The following SETDB2 variants were observed in gnomAD, a reference collection of about 807,000 sequenced individuals.
SETDB2 encodes SET domain bifurcated histone lysine methyltransferase 2, also known as histone-lysine N-methyltransferase SETDB2.
SETDB2 carries 56 observed loss-of-function variants against 82.5 expected under a neutral mutation model. The ratio of observed to expected loss-of-function variants is 0.68; its 90% confidence interval spans 0.55 to 0.85. The LOEUF is 0.85. SETDB2 is among the 40% of genes least tolerant of loss of function. The pLI is 0.00. For synonymous variants in SETDB2, 272 were observed against 284.9 expected, an observed-to-expected ratio of 0.95 and a Z score of 0.46; for missense variants, 677 against 816.4, an observed-to-expected ratio of 0.83 and a Z score of 2.08.
chr13:49,490,964 A>C (rs543301462), intron 13 of SETDB2, 54 bp downstream of exon 13: 8 of 1,434,550 alleles, frequency 5.6e-6, no homozygotes, highest in Admixed American at 1.8e-5. Flanking sequence ...TAAAAATAAC[A>C]ATAGAGGGCT....
chr13:49,477,647 C>A (rs1186882460), intron 6 of SETDB2, among the ~76,000 whole-genome samples: 1 of 152,152 alleles, frequency 6.6e-6, no homozygotes, highest in Admixed American at 6.6e-5. Flanking sequence ...GACACTGTGA[C>A]AAGTACTTCA....
chr13:49,473,168 C>G (rs1958284618), intron 5 of SETDB2, among the ~76,000 whole-genome samples: 1 of 151,936 alleles, frequency 6.6e-6, no homozygotes, highest in Admixed American at 6.6e-5. Context: ...TGAATTAATC[C>G]CTTCATATTC....
intron 10 of SETDB2, among the ~76,000 whole-genome samples, chr13:49,485,276 C>T (rs1239174064): frequency 6.6e-6 from 1 of 152,218 alleles, no homozygotes; most frequent in Non-Finnish European, 1.5e-5. Context: ...CATCTTTACA[C>T]AACTTACAGT....
rs745918185 is a variant in SETDB2 at position 49,476,720 on chromosome 13, G to A, written c.550G>A (p.Gly184Arg). 6.2e-7 allele frequency: 1 copy of A among 1,614,194 alleles called. No homozygotes were observed. The highest frequency in any genetic ancestry group is 8.5e-7 in the Non-Finnish European group (1 of 1,180,028). Residue 184 changes from glycine to arginine, a missense_variant, in exon 6 of 14, where the codon GGA becomes AGA. Gly to Arg is a moderately radical substitution (Grantham distance 125, BLOSUM62 -2). Coordinates refer to ENST00000611815, the MANE Select transcript of SETDB2 (RefSeq NM_001160308.3). ...ALHVSYKTPC[G>R]RSLRNVEEVF... is the part of the protein sequence containing the mutation. ...CCACGTGAGTTATAAAACCCCTTGT[G>A]GAAGGAGTCTACGAAACGTGGAGGA... is the stretch of plus-strand genomic sequence containing the variant.
chr13:49,473,845 G>A lies in SETDB2; in HGVS notation c.306-2631G>A, dbSNP rs74076023. On this transcript the variant is annotated intron_variant, in intron 5 of 13. Transcript: ENST00000611815. Reference sequence around the variant, plus strand: ...GAGAGACAAATAAATAGAAAATCCAGAGTTCAGGTTATACCATAATTCCTT... The same window carrying A: ...GAGAGACAAATAAATAGAAAATCCAAAGTTCAGGTTATACCATAATTCCTT... 9.2e-3 allele frequency among the ~76,000 whole-genome samples: 1,399 copies of A among 152,270 alleles called. 25 individuals carry two copies. Among genetic ancestry groups the A allele is most frequent in the African/African-American group, 0.032 (1,309 of 41,542 alleles).
intron 2 of SETDB2, among the ~76,000 whole-genome samples, chr13:49,455,799 A>T (rs1957871747): frequency 6.6e-6 from 1 of 151,704 alleles, no homozygotes; most frequent in African/African-American, 2.4e-5. Flanking sequence ...AAAAAACTAG[A>T]TAGTTTAGTT....
intron 6 of SETDB2, among the ~76,000 whole-genome samples, chr13:49,478,799 C>G (rs1415844545): frequency 6.6e-6 from 1 of 151,874 alleles, no homozygotes; most frequent in Non-Finnish European, 1.5e-5. Flanking sequence ...GGTGGGACGC[C>G]CTTGTAGTCC....
In SETDB2 at chr13:49,488,598, A is replaced by G; in HGVS notation, c.1885A>G (p.Thr629Ala). 6.2e-7 allele frequency: 1 copy of G among 1,602,134 alleles called. No individual in the cohort carries two copies. Among genetic ancestry groups the G allele is most frequent in the Non-Finnish European group, 8.5e-7 (1 of 1,174,990 alleles). The change falls in exon 12 of 14, where the codon ACA becomes GCA. Residue 629 changes from threonine to alanine, a missense_variant. Physicochemically the swap from Thr to Ala is moderately conservative, Grantham distance 58. This residue lies in a region of SETDB2 where 420 missense variants were observed against 554.6 expected (regional missense o/e 0.76). Coordinates refer to ENST00000611815, the MANE Select transcript of SETDB2 (RefSeq NM_001160308.3). ...NKGNVFLLDA[T>A]KEGNVGRFLN... is the part of the protein sequence containing the mutation. The stretch of plus-strand genomic sequence containing the variant: ...AGGGAATGTGTTTTTATTGGATGCC[A>G]CAAAAGAAGGAAATGTCGGCCGCTT...
intron 5 of SETDB2, among the ~76,000 whole-genome samples, chr13:49,471,680 A>G (rs1958244822): frequency 6.6e-6 from 1 of 151,860 alleles, no homozygotes; most frequent in Admixed American, 6.5e-5. Context: ...ATGTACCTAC[A>G]CATACATACA....
chr13:49,476,834 T>C lies in SETDB2; in HGVS notation c.664T>C (p.Tyr222His), dbSNP rs373893624. 1.2e-6 allele frequency: 2 copies of C among 1,613,980 alleles called. No homozygotes were observed. Among genetic ancestry groups the C allele is most frequent in the Admixed American group, 1.7e-5 (1 of 59,970 alleles). Reference protein sequence around the residue: ...FNTYVQLARNYPKQKEVVSDV... With the variant: ...FNTYVQLARNHPKQKEVVSDV... ...TACCTATGTTCAGTTGGCTCGGAAT[T>C]ACCCAAAGCAAAAAGAAGTTGTTTC... is the stretch of plus-strand genomic sequence containing the variant. Residue 222 changes from tyrosine to histidine, a missense_variant, in exon 6 of 14, where the codon TAC (tyrosine) becomes CAC (histidine). Tyr to His is a moderately conservative substitution (Grantham distance 83). Around this residue, in one of 3 missense-constraint regions of SETDB2, gnomAD observed 243 missense variants for 237.2 expected, o/e 1.02. Transcript: ENST00000611815.
intron 4 of SETDB2, among the ~76,000 whole-genome samples, chr13:49,467,360 A>T (rs1012362488): frequency 6.6e-6 from 1 of 151,114 alleles, no homozygotes; most frequent in Admixed American, 6.6e-5. Context: ...ATACCACTGC[A>T]CTCCACCCTG....
chr13:49,488,330 T>G lies in SETDB2; in HGVS notation c.1617T>G (p.Asn539Lys), dbSNP rs1263575461. ...ACCATGTTGATGAGTTTGAAGATAA[T>G]CTGCTGATTGAATCAGATGTGATAG... ...SSNHVDEFED[N>K]LLIESDVIDI... Residue 539 changes from asparagine (N) to lysine (K), a missense_variant, in exon 12 of 14, where the codon AAT becomes AAG. Physicochemically the swap from Asn to Lys is moderately conservative, Grantham distance 94 (BLOSUM62 0). This residue lies in a region of SETDB2 where 420 missense variants were observed against 554.6 expected (regional missense o/e 0.76). Transcript: ENST00000611815. 1.2e-6 allele frequency: 2 copies of G among 1,600,426 alleles called. No homozygotes were observed. Among genetic ancestry groups the G allele is most frequent in the Non-Finnish European group, 1.7e-6 (2 of 1,176,742 alleles).
chr13:49,484,438 T>G (rs1212877131), intron 10 of SETDB2, among the ~76,000 whole-genome samples: 1 of 151,998 alleles, frequency 6.6e-6, no homozygotes, highest in Non-Finnish European at 1.5e-5. Flanking sequence ...CCCAGCTACT[T>G]TTTTGTATTT....
chr13:49,481,893 T>G, intron 8 of SETDB2: 1 of 222,964 alleles, frequency 4.5e-6, no homozygotes, highest in Non-Finnish European at 7.5e-6. Context: ...ATTACTCATC[T>G]GAAAAATCAG....
intron 4 of SETDB2, 27 bp downstream of exon 4, chr13:49,461,189 G>C: frequency 2.0e-6 from 3 of 1,484,350 alleles, no homozygotes; most frequent in Non-Finnish European, 2.8e-6. Context: ...TCCCATTGTA[G>C]AGTATTCTCT....
intron 5 of SETDB2, among the ~76,000 whole-genome samples, chr13:49,471,930 A>AT (rs1424270883): frequency 0.023 from 1,691 of 72,964 alleles, 36 homozygotes; most frequent in African/African-American, 0.093. Flanking sequence ...ATATATATAT[A>AT]TATATTTTTT....
intron 1 of SETDB2, among the ~76,000 whole-genome samples, chr13:49,449,205 TC>T (rs1957744884): frequency 6.6e-6 from 1 of 152,160 alleles, no homozygotes; most frequent in African/African-American, 2.4e-5. Flanking sequence ...TTGGCCTTAT[TC>T]TTGTCATTAT....
Position 49,460,134 on chromosome 13 carries a change from T to C in SETDB2, c.44T>C (p.Leu15Pro). The C allele has an allele frequency of 6.2e-7, 1 of 1,613,212 alleles. No individual in the cohort carries two copies. The highest frequency in any genetic ancestry group is 1.1e-5 in the South Asian group (1 of 91,002). ...GATGCAAAAACTTTCTGGATGGAGC[T>C]AGAAGATGATGGAAAAGTGGACTTC... ...NGDAKTFWME[L>P]EDDGKVDFIF... is the part of the protein sequence containing the mutation. Residue 15 changes from leucine (L) to proline (P), a missense_variant, in exon 3 of 14, where the codon CTA (leucine) becomes CCA (proline). Physicochemically the swap from Leu to Pro is moderately conservative, Grantham distance 98. Coordinates refer to ENST00000611815, the MANE Select transcript of SETDB2 (RefSeq NM_001160308.3).
chr13:49,471,145 A>ATT (rs34400700), intron 5 of SETDB2, among the ~76,000 whole-genome samples: 51 of 142,674 alleles, frequency 3.6e-4, no homozygotes, highest in Non-Finnish European at 4.0e-4. Flanking sequence ...AATTTTTAAC[A>ATT]TTTTTTTTTT....
Sources: gnomAD v4.1 joint callset for allele counts (sites outside exome capture counted in the v4.1 genomes callset) on GRCh38, gnomAD v4.1.1 for gene constraint, gnomAD v4.1.1 regional missense constraint, MANE v1.5 for transcripts, NCBI Gene and HGNC (gene_info 2026-07-23, HGNC 2026-07-21) for gene names.